KSR1: variants seen among roughly 807,000 people sequenced by gnomAD.
KSR1 encodes the protein kinase suppressor of ras 1, also known as kinase suppressor of ras.
A neutral mutation model predicts 92.9 loss-of-function variants in KSR1; 35 were observed. The observed-to-expected ratio is 0.38, with a 90% CI of 0.29 to 0.50. The LOEUF is 0.50. Among genes scored for constraint, KSR1 ranks in the 20% least tolerant of loss-of-function variants. KSR1 has a pLI of 0.94. For synonymous variants in KSR1, 467 were observed against 472.6 expected, an observed-to-expected ratio of 0.99 and a Z score of 0.15; for missense variants, 972 against 1,158.5, an observed-to-expected ratio of 0.84 and a Z score of 2.34.
chr17:27,535,639 G>A (rs973831743), intron 1 of KSR1, among the ~76,000 whole-genome samples: 7 of 152,128 alleles, frequency 4.6e-5, no homozygotes, highest in African/African-American at 1.4e-4. Context: ...CCAGTCACCC[G>A]TCCTGGTTTT....
At chr17:27,523,386 A>T (rs1311468914) in intron 1 of KSR1, among the ~76,000 whole-genome samples, 1 of 17,918 alleles carries the variant, frequency 5.6e-5, no homozygotes, top group Non-Finnish European at 1.0e-4. Flanking sequence ...CTGTAAGGTT[A>T]AAAAAAAAAA....
intron 3 of KSR1, chr17:27,579,878 CAAAAAAAA>C (rs71160198): frequency 4.3e-3 from 128 of 29,588 alleles, no homozygotes; most frequent in African/African-American, 0.012. Flanking sequence ...GCTGTCTCAC[CAAAAAAAA>C]AAAAAAAAAA....
intron 2 of KSR1, among the ~76,000 whole-genome samples, chr17:27,572,641 C>T (rs1359380417): frequency 2.0e-5 from 3 of 152,212 alleles, no homozygotes; most frequent in Non-Finnish European, 4.4e-5. Context: ...AGTGGCTTCA[C>T]CTGCGAGTTC....
chr17:27,557,890 C>T (rs1312492377), intron 2 of KSR1, among the ~76,000 whole-genome samples: 1 of 152,120 alleles, frequency 6.6e-6, no homozygotes, highest in Non-Finnish European at 1.5e-5. Context: ...CCCACTGGCT[C>T]CTATGTAATG....
chr17:27,611,777 T>C (rs1411409053), intron 18 of KSR1, 148 bp downstream of exon 18: 7 of 909,050 alleles, frequency 7.7e-6, no homozygotes, highest in Non-Finnish European at 1.0e-5. Context: ...GAAAATGATA[T>C]GCATTGCCCG....
intron 11 of KSR1, among the ~76,000 whole-genome samples, chr17:27,602,847 C>T (rs1337470464): frequency 3.3e-5 from 5 of 152,232 alleles, no homozygotes; most frequent in Non-Finnish European, 7.3e-5. Flanking sequence ...AGGCCCACGG[C>T]CTCTATCAGA....
At chr17:27,526,679 G>T in intron 1 of KSR1, 1 of 1,538,070 alleles carries the variant, frequency 6.5e-7, no homozygotes, top group Admixed American at 1.7e-5. Context: ...GTTTTTATTG[G>T]CTGTTATTCT....
intron 2 of KSR1, among the ~76,000 whole-genome samples, chr17:27,561,611 A>T (rs1044055397): frequency 6.6e-6 from 1 of 152,198 alleles, no homozygotes; most frequent in Non-Finnish European, 1.5e-5. Context: ...TCACTCACTC[A>T]GTGTGTATTT....
chr17:27,619,395 CTTTTT>C (rs147046166), intron 19 of KSR1, among the ~76,000 whole-genome samples: 1 of 131,886 alleles, frequency 7.6e-6, no homozygotes. Context: ...TGGGCTGTAT[CTTTTT>C]TTTTTTTTTT....
intron 15 of KSR1, among the ~76,000 whole-genome samples, chr17:27,608,296 G>A (rs531420018): frequency 6.6e-6 from 1 of 152,212 alleles, no homozygotes; most frequent in Non-Finnish European, 1.5e-5. Context: ...CACACCCTTT[G>A]TGTGACCTTG....
Position 27,479,728 on chromosome 17 carries a change from A to G in KSR1, c.231+22854A>G, listed in dbSNP as rs894680692. Reference sequence around the variant, plus strand: ...CTGGTTGGAAGGAGGAAGGGCTTCAATGGGATGTGAGCCTCAAGCACGGGA... The same window carrying G: ...CTGGTTGGAAGGAGGAAGGGCTTCAGTGGGATGTGAGCCTCAAGCACGGGA... On this transcript the variant is annotated intron_variant, in intron 1 of 20. Coordinates refer to ENST00000644974, the MANE Select transcript of KSR1 (RefSeq NM_001394583.1). 3.9e-5 allele frequency among the ~76,000 whole-genome samples: 6 copies of G among 152,164 alleles called. No individual in the cohort carries two copies. In the East Asian group the frequency reaches 5.8e-4, roughly 15 times the overall value.
Position 27,592,441 on chromosome 17 carries a change from T to C in KSR1, c.1192+19T>C. 6.2e-7 allele frequency: 1 copy of C among 1,613,632 alleles called. No individual in the cohort carries two copies. The highest frequency in any genetic ancestry group is 8.5e-7 in the Non-Finnish European group (1 of 1,179,608). On this transcript the variant is annotated intron_variant, in intron 8 of 20. Coordinates refer to ENST00000644974, the MANE Select transcript of KSR1 (RefSeq NM_001394583.1). ...CTGCCACGTGAGTTTTCTGCCTTCC[T>C]CTCCTCTGCCTTCTGGATTTGGGTG... is the stretch of plus-strand genomic sequence containing the variant.
chr17:27,616,092 T>C (rs1237050310), intron 18 of KSR1, among the ~76,000 whole-genome samples: 4 of 152,224 alleles, frequency 2.6e-5, no homozygotes, highest in Non-Finnish European at 5.9e-5. Context: ...AGAGTTTTTT[T>C]GTGTGTTTGT....
intron 18 of KSR1, 34 bp downstream of exon 18, chr17:27,611,663 G>A: frequency 6.2e-7 from 1 of 1,612,524 alleles, no homozygotes; most frequent in Non-Finnish European, 8.5e-7. Flanking sequence ...GAGCAGTAGG[G>A]CTGGAGGTGG....
chr17:27,604,127 G>A (rs1046235461), intron 12 of KSR1, among the ~76,000 whole-genome samples: 17 of 152,170 alleles, frequency 1.1e-4, no homozygotes, highest in Admixed American at 3.3e-4. Context: ...GGACCCAGGC[G>A]GGTTGGATAG....
rs745780237 is a variant in KSR1, at chr17:27,588,515, C to T, written c.1026C>T (p.Ile342=). 2.3e-5 allele frequency: 36 copies of T among 1,591,902 alleles called. No individual in the cohort carries two copies. Among genetic ancestry groups the T allele is most frequent in the Non-Finnish European group, 2.9e-5 (34 of 1,169,460 alleles). Residue 342 remains isoleucine (I), a synonymous_variant, in exon 6 of 21, where the codon ATC becomes ATT. Coordinates refer to ENST00000644974, the MANE Select transcript of KSR1 (RefSeq NM_001394583.1). ...CCCCACAGATGGTACGGAGGGATAT[C>T]GGGCTGTCGGTGACGCACAGGTAGG... ...HGSPQMVRRD[I]GLSVTHRFST...
intron 1 of KSR1, among the ~76,000 whole-genome samples, chr17:27,533,197 A>G (rs1481461342): frequency 6.6e-6 from 1 of 151,938 alleles, no homozygotes; most frequent in African/African-American, 2.4e-5. Context: ...ACTGTTCCTC[A>G]TCCTCAGTTT....
intron 1 of KSR1, among the ~76,000 whole-genome samples, chr17:27,521,840 T>C (rs139280563): frequency 7.2e-5 from 11 of 152,312 alleles, no homozygotes; most frequent in Admixed American, 6.5e-4. Flanking sequence ...CTCATGGCTA[T>C]GGGAAAGGCA....
intron 1 of KSR1, among the ~76,000 whole-genome samples, chr17:27,532,453 C>T (rs747314517): frequency 2.6e-5 from 4 of 152,206 alleles, no homozygotes; most frequent in African/African-American, 9.7e-5. Flanking sequence ...CTCCAGCCCG[C>T]AGCACTTGAG....
Sources: gnomAD v4.1 joint callset for allele counts (sites outside exome capture counted in the v4.1 genomes callset) on GRCh38, gnomAD v4.1.1 for gene constraint, MANE v1.5 for transcripts, NCBI Gene and HGNC (gene_info 2026-07-23, HGNC 2026-07-21) for gene names.